The following EMCN variants were observed in gnomAD, a reference collection of about 807,000 sequenced individuals.
The protein encoded by EMCN is endomucin.
A neutral mutation model predicts 38.4 loss-of-function variants in EMCN; 37 were observed. That is an observed-to-expected ratio of 0.96 (90% CI 0.74 to 1.27). The LOEUF (loss-of-function observed/expected upper bound fraction) is 1.27, where lower values mean the gene tolerates loss of function less well. Ranked by LOEUF, EMCN falls within the 50% of genes most tolerant of loss-of-function variation. EMCN has a pLI of 0.00. For synonymous variants in EMCN, 95 were observed against 100.8 expected, an observed-to-expected ratio of 0.94 and a Z score of 0.35; for missense variants, 318 against 302.8, an observed-to-expected ratio of 1.05 and a Z score of -0.37.
intron 1 of EMCN, among the ~76,000 whole-genome samples, chr4:100,485,768 A>G (rs554862172): frequency 1.3e-5 from 2 of 152,212 alleles, no homozygotes; most frequent in African/African-American, 4.8e-5. Flanking sequence ...CTCTTTTGAT[A>G]TGGGAGAGGT....
chr4:100,488,735 G>A (rs1007580072), intron 1 of EMCN, among the ~76,000 whole-genome samples: 10 of 152,058 alleles, frequency 6.6e-5, no homozygotes, highest in African/African-American at 2.4e-4. Context: ...AGTCTGAGAT[G>A]TCTTGCTTTT....
chr4:100,429,510 A>C (rs1351145341), intron 5 of EMCN, among the ~76,000 whole-genome samples: 1 of 152,030 alleles, frequency 6.6e-6, no homozygotes, highest in Non-Finnish European at 1.5e-5. Flanking sequence ...ATCTGACCTT[A>C]CCTTTCTGAC....
At chr4:100,427,617 G>C in intron 5 of EMCN, among the ~76,000 whole-genome samples, 1 of 151,808 alleles carries the variant, frequency 6.6e-6, no homozygotes, top group East Asian at 1.9e-4. Context: ...TAATCTTGGA[G>C]TGTCCCCTAG....
intron 1 of EMCN, among the ~76,000 whole-genome samples, chr4:100,480,589 T>C (rs940786322): frequency 1.3e-5 from 2 of 151,742 alleles, no homozygotes; most frequent in East Asian, 1.9e-4. Context: ...CACACACATA[T>C]ATATACACAC....
intron 4 of EMCN, among the ~76,000 whole-genome samples, chr4:100,463,970 G>T (rs1033854909): frequency 1.3e-5 from 2 of 151,938 alleles, no homozygotes; most frequent in African/African-American, 4.8e-5. Context: ...GGTAGGGATT[G>T]CATTAAATAT....
In EMCN at chr4:100,492,442, A is replaced by G. The variant is rs1312960350; in HGVS notation, c.65-12403T>C. Among the ~76,000 whole-genome samples, 3 of 152,142 alleles carry G rather than the reference A, an allele frequency of 2.0e-5. No individual in the cohort carries two copies. The East Asian group carries it at 5.8e-4, about 29-fold the overall frequency. ...CCAAACATACACATAATGGGAATTT[A>G]AGAGAAAAGCAAAAGAGGAAAAGAA... On this transcript the variant is annotated intron_variant, in intron 1 of 11. Transcript: ENST00000296420.
intron 1 of EMCN, among the ~76,000 whole-genome samples, chr4:100,481,552 C>T (rs1447148919): frequency 6.6e-6 from 1 of 152,044 alleles, no homozygotes; most frequent in Non-Finnish European, 1.5e-5. Context: ...CACTTCACAC[C>T]CTTGGTCTTA....
Position 100,410,370 on chromosome 4 carries a change from T to C in EMCN, c.752-15A>G. 3 of 1,613,094 alleles carry C rather than the reference T, an allele frequency of 1.9e-6. No homozygotes were observed. Among genetic ancestry groups the C allele is most frequent in the Non-Finnish European group, 2.5e-6 (3 of 1,179,168 alleles). On this transcript the variant is annotated splice_polypyrimidine_tract_variant and intron_variant, in intron 10 of 11. Transcript: ENST00000296420. ...AGAGTGCTCACCTGAGAACAGAAGA[T>C]ATGTTTTGATCTGTAAGCTCAGAGA...
rs542240953 is a variant in EMCN at position 100,498,115 on chromosome 4, G to A, written c.65-18076C>T. On this transcript the variant is annotated intron_variant, in intron 1 of 11. Coordinates refer to ENST00000296420, the MANE Select transcript of EMCN (RefSeq NM_016242.4). Reference sequence around the variant, plus strand: ...TGTCAAAGAAGAGAAACTAATGTGAGTAAAGATGTAAATTGGATTCCAAAA... The same window carrying A: ...TGTCAAAGAAGAGAAACTAATGTGAATAAAGATGTAAATTGGATTCCAAAA... Among the ~76,000 whole-genome samples the A allele has an allele frequency of 5.9e-5, 9 of 152,190 alleles. No homozygotes were observed. The East Asian group carries it at 1.7e-3, about 29-fold the overall frequency.
At chr4:100,474,483 A>AAC (rs1414255964) in intron 3 of EMCN, among the ~76,000 whole-genome samples, 18 of 152,230 alleles carry the variant, frequency 1.2e-4, no homozygotes, top group African/African-American at 4.3e-4. Flanking sequence ...GTGACTTAGC[A>AAC]ATTCGGCCTC....
At chr4:100,516,559 A>T (rs1349141765) in intron 1 of EMCN, among the ~76,000 whole-genome samples, 1 of 152,114 alleles carries the variant, frequency 6.6e-6, no homozygotes, top group East Asian at 1.9e-4. Flanking sequence ...AATGTTCTTT[A>T]TTTTAAAAAA....
chr4:100,434,108 T>C (rs965736009), intron 5 of EMCN, among the ~76,000 whole-genome samples: 5 of 151,506 alleles, frequency 3.3e-5, no homozygotes, highest in African/African-American at 1.2e-4. Flanking sequence ...AAAAAATTAA[T>C]AAAAGAGACT....
intron 3 of EMCN, 65 bp downstream of exon 3, chr4:100,474,973 G>A: frequency 1.3e-6 from 1 of 793,870 alleles, no homozygotes; most frequent in Non-Finnish European, 1.9e-6. Flanking sequence ...ACTTTAAAAG[G>A]GTGACTATTA....
Position 100,395,542 on chromosome 4 carries a change from A to T in EMCN, c.*2871T>A, listed in dbSNP as rs1253295939. On this transcript the variant is annotated 3_prime_UTR_variant, in exon 12 of 12. Coordinates refer to ENST00000296420, the MANE Select transcript of EMCN (RefSeq NM_016242.4). The stretch of plus-strand genomic sequence containing the variant: ...TAATTGACAGTTTTATAGTGGTGAG[A>T]CTATCATCACCCAAAATACAATTTT... The T allele has an allele frequency of 1.3e-5, 2 of 152,156 alleles. No individual in the cohort carries two copies. Among genetic ancestry groups the T allele is most frequent in the African/African-American group, 4.8e-5 (2 of 41,444 alleles). 9.4% of individuals were successfully genotyped at this position (152,156 alleles called of 1,614,324 possible). A position where few individuals can be genotyped will look rare whatever the true frequency, so the allele number is the denominator to read the frequency against.
At chr4:100,508,590 A>G (rs935981547) in intron 1 of EMCN, among the ~76,000 whole-genome samples, 1 of 152,188 alleles carries the variant, frequency 6.6e-6, no homozygotes, top group African/African-American at 2.4e-5. Flanking sequence ...TACTCAACAT[A>G]CTGAATTAAG....
rs1326547518 is a variant in EMCN, at chr4:100,397,117, A to C, written c.*1296T>G. 2.0e-5 allele frequency: 3 copies of C among 152,088 alleles called. No individual in the cohort carries two copies. Among genetic ancestry groups the C allele is most frequent in the Admixed American group, 6.6e-5 (1 of 15,258 alleles). The allele number at this position is 152,088 out of a possible 1,614,324, so 9.4% of individuals were successfully genotyped here. A position where few individuals can be genotyped will look rare whatever the true frequency, so the allele number is the denominator to read the frequency against. On this transcript the variant is annotated 3_prime_UTR_variant, in exon 12 of 12. Coordinates refer to ENST00000296420, the MANE Select transcript of EMCN (RefSeq NM_016242.4). ...TTGTCAAAATACATCACCACAAAAC[A>C]AATTTTAAAAGGCTATTTTAAATAC...
intron 11 of EMCN, among the ~76,000 whole-genome samples, chr4:100,407,697 T>C (rs541631758): frequency 3.3e-4 from 51 of 152,252 alleles, no homozygotes; most frequent in African/African-American, 1.2e-3. Flanking sequence ...GATGACTATG[T>C]GTCTTGGGGA....
rs141821867 is a variant in EMCN, at chr4:100,515,863, A to C, written c.64+1988T>G. On this transcript the variant is annotated intron_variant, in intron 1 of 11. Coordinates refer to ENST00000296420, the MANE Select transcript of EMCN (RefSeq NM_016242.4). ...ACAAACAAACAAACAAACAAACAAA[A>C]AAACAGGCAGAACCAGGTACAACAA... Among the ~76,000 whole-genome samples the C allele has an allele frequency of 5.9e-4, 88 of 150,092 alleles. 1 individual carries two copies. In the Middle Eastern group the frequency reaches 0.01, roughly 18 times the overall value.
At chr4:100,442,236 G>T (rs1438640198) in intron 5 of EMCN, among the ~76,000 whole-genome samples, 1 of 152,116 alleles carries the variant, frequency 6.6e-6, no homozygotes, top group African/African-American at 2.4e-5. Flanking sequence ...GATCTGCAAG[G>T]TTTCTATTGA....
Sources: gnomAD v4.1 joint callset for allele counts (sites outside exome capture counted in the v4.1 genomes callset) on GRCh38, gnomAD v4.1.1 for gene constraint, MANE v1.5 for transcripts, NCBI Gene and HGNC (gene_info 2026-07-23, HGNC 2026-07-21) for gene names.